Variants in TTLL1 observed in about 807,000 individuals in gnomAD.
The protein encoded by TTLL1 is polyglutamylase complex subunit TTLL1.
TTLL1 carries 33 observed loss-of-function variants against 47.8 expected under a neutral mutation model. The ratio of observed to expected loss-of-function variants is 0.69; its 90% CI spans 0.52 to 0.92. The LOEUF (loss-of-function observed/expected upper bound fraction) is 0.92. Ranked by LOEUF, TTLL1 falls within the 40% of genes least tolerant of loss-of-function variation. The pLI, the probability that TTLL1 is intolerant of heterozygous loss-of-function variation, is 0.00. For synonymous variants in TTLL1, 225 were observed against 214.1 expected, an observed-to-expected ratio of 1.05 and a Z score of -0.45; for missense variants, 488 against 547.5, an observed-to-expected ratio of 0.89 and a Z score of 1.08.
intron 10 of TTLL1, among the ~76,000 whole-genome samples, chr22:43,044,672 C>G (rs186379856): frequency 1.3e-5 from 2 of 152,240 alleles, no homozygotes; most frequent in East Asian, 3.9e-4. Flanking sequence ...GTATCGATGC[C>G]AACAACATGA....
At chr22:43,088,983 G>A (rs1264572504) in intron 1 of TTLL1, among the ~76,000 whole-genome samples, 4 of 152,126 alleles carry the variant, frequency 2.6e-5, no homozygotes, top group Non-Finnish European at 4.4e-5. Context: ...GCAAACGAAT[G>A]GGAAACGTGT....
chr22:43,069,855 T>A lies in TTLL1; in HGVS notation c.114-11A>T, dbSNP rs756868653. The stretch of plus-strand genomic sequence containing the variant: ...GTTTGCACACTCATCCTGAAAGAGA[T>A]GAGCAGGAGAGACACTTGGCAGTGA... On this transcript the variant is annotated splice_polypyrimidine_tract_variant and intron_variant, in intron 3 of 10. Transcript: ENST00000266254. 13 of 1,613,714 alleles carry A rather than the reference T, an allele frequency of 8.1e-6. No homozygotes were observed. In the East Asian group the frequency reaches 2.7e-4, roughly 33 times the overall value.
chr22:43,075,347 G>T, intron 3 of TTLL1, 127 bp downstream of exon 3: 1 of 779,988 alleles, frequency 1.3e-6, no homozygotes, highest in Non-Finnish European at 2.2e-6. Flanking sequence ...AAGGAAAAAT[G>T]TGTGCGGGGA....
At chr22:43,075,715 A>G (rs1352632390) in intron 2 of TTLL1, 125 bp from the exon 3 acceptor site, 7 of 809,706 alleles carry the variant, frequency 8.6e-6, no homozygotes, top group Non-Finnish European at 1.4e-5. Context: ...GTTCTCAACC[A>G]GGAGTGATTC....
intron 8 of TTLL1, among the ~76,000 whole-genome samples, chr22:43,053,880 AC>A (rs1926817534): frequency 6.6e-6 from 1 of 152,188 alleles, no homozygotes; most frequent in Non-Finnish European, 1.5e-5. Flanking sequence ...TAAACAGCTA[AC>A]TTTTTCTCAA....
At chr22:43,086,463 C>A (rs1040007079) in intron 1 of TTLL1, among the ~76,000 whole-genome samples, 2 of 152,126 alleles carry the variant, frequency 1.3e-5, no homozygotes, top group Non-Finnish European at 2.9e-5. Flanking sequence ...CCCATGAACA[C>A]CCTGGATATC....
intron 8 of TTLL1, among the ~76,000 whole-genome samples, chr22:43,057,066 T>TG (rs1927064324): frequency 6.6e-6 from 1 of 152,072 alleles, no homozygotes; most frequent in Admixed American, 6.6e-5. Context: ...GTTCAGGAGA[T>TG]CCAGACCAGC....
At chr22:43,051,676 T>C in intron 9 of TTLL1, 125 bp downstream of exon 9, 2 of 890,570 alleles carry the variant, frequency 2.2e-6, no homozygotes, top group Non-Finnish European at 1.9e-6. Context: ...AACTCGAACA[T>C]CAGTCCCCTT....
chr22:43,053,209 T>C (rs551603311), intron 8 of TTLL1, among the ~76,000 whole-genome samples: 3 of 152,078 alleles, frequency 2.0e-5, no homozygotes, highest in Non-Finnish European at 2.9e-5. Context: ...GTGCACCCTA[T>C]AGTCAGTGAA....
intron 8 of TTLL1, among the ~76,000 whole-genome samples, chr22:43,057,364 C>T (rs1453532344): frequency 6.6e-6 from 1 of 151,824 alleles, no homozygotes; most frequent in South Asian, 2.1e-4. Context: ...TCCACCTCGG[C>T]GTCTCAAAGT....
chr22:43,046,688 A>T, intron 9 of TTLL1, 115 bp from the exon 10 acceptor site: 3 of 1,256,974 alleles, frequency 2.4e-6, no homozygotes, highest in Non-Finnish European at 2.2e-6. Flanking sequence ...TTTTTTTTTG[A>T]GACAGAGTTT....
rs1464125730 is a variant in TTLL1 at position 43,053,195 on chromosome 22, A to T, written c.892-1308T>A. The stretch of plus-strand genomic sequence containing the variant: ...CCACAGTTTTACAGGCTCCTCAGAG[A>T]CTTGTGCACCCTATAGTCAGTGAAG... On this transcript the variant is annotated intron_variant, in intron 8 of 10. Coordinates refer to ENST00000266254, the MANE Select transcript of TTLL1 (RefSeq NM_012263.5). Among the ~76,000 whole-genome samples, 6 of 152,176 alleles carry T rather than the reference A, an allele frequency of 3.9e-5. No homozygotes were observed. In the East Asian group the frequency reaches 1.2e-3, roughly 29 times the overall value.
rs777656259 is a variant in TTLL1 at position 43,045,842 on chromosome 22, G to A, written c.1142+568C>T. 2.6e-5 allele frequency among the ~76,000 whole-genome samples: 4 copies of A among 152,194 alleles called. No homozygotes were observed. In the South Asian group the frequency reaches 6.2e-4, roughly 24 times the overall value. ...CCCAGCCTGCTCCAGCTATCCCGGC[G>A]GCCAGCGGGGGCCTGGCACGTGATC... On this transcript the variant is annotated intron_variant, in intron 10 of 10. Transcript: ENST00000266254.
Position 43,075,347 on chromosome 22 carries a change from G to C in TTLL1, c.113+127C>G, listed in dbSNP as rs200028581. 4 of 779,988 alleles carry C rather than the reference G, an allele frequency of 5.1e-6. No homozygotes were observed. In the East Asian group the frequency reaches 9.8e-5, roughly 19 times the overall value. 48.3% of individuals were successfully genotyped at this position (779,988 alleles called of 1,614,324 possible). On this transcript the variant is annotated intron_variant, in intron 3 of 10. Transcript: ENST00000266254. ...CTCACAAAAAACCTTAAGGAAAAAT[G>C]TGTGCGGGGAGATGGCACAATGACA...
At chr22:43,044,654 C>T (rs956646769) in intron 10 of TTLL1, among the ~76,000 whole-genome samples, 1 of 152,214 alleles carries the variant, frequency 6.6e-6, no homozygotes, top group African/African-American at 2.4e-5. Flanking sequence ...CACGCCCACT[C>T]GACTGCAGTA....
intron 10 of TTLL1, among the ~76,000 whole-genome samples, chr22:43,042,980 C>T (rs1925813911): frequency 6.7e-6 from 1 of 148,944 alleles, no homozygotes; most frequent in East Asian, 2.0e-4. Context: ...CGCTGTGTCG[C>T]CCAGGCTGGA....
intron 3 of TTLL1, among the ~76,000 whole-genome samples, chr22:43,071,699 C>T (rs555438686): frequency 1.3e-5 from 2 of 152,242 alleles, no homozygotes; most frequent in Non-Finnish European, 2.9e-5. Flanking sequence ...CGTGAGCCAC[C>T]ATGCCGGCCT....
At chr22:43,063,063 T>C (rs1927486925) in intron 7 of TTLL1, among the ~76,000 whole-genome samples, 1 of 152,204 alleles carries the variant, frequency 6.6e-6, no homozygotes, top group Middle Eastern at 3.2e-3. Context: ...TGAATGCATG[T>C]CACTTTCATA....
intron 5 of TTLL1, 86 bp downstream of exon 5, chr22:43,068,324 C>A (rs975995430): frequency 1.1e-4 from 134 of 1,249,092 alleles, no homozygotes; most frequent in African/African-American, 1.7e-4. Flanking sequence ...CAAAAAAAAA[C>A]CAAACAAAAA....
Sources: allele counts gnomAD v4.1 joint callset (sites outside exome capture counted in the v4.1 genomes callset), GRCh38; gene constraint gnomAD v4.1.1; transcripts MANE v1.5; gene names NCBI Gene and HGNC (gene_info 2026-07-23, HGNC 2026-07-21).